The following GANAB variants were observed in gnomAD, a reference collection of about 807,000 sequenced individuals.
The protein encoded by GANAB is glucosidase II alpha subunit, also known as neutral alpha-glucosidase AB.
A neutral mutation model predicts 129.9 loss-of-function variants in GANAB; 35 were observed. The ratio of observed to expected loss-of-function variants is 0.27; its 90% CI spans 0.21 to 0.36. The LOEUF (loss-of-function observed/expected upper bound fraction) is 0.36. GANAB is among the 10% of genes least tolerant of loss of function. The probability of loss-of-function intolerance (pLI) is 1.00; values close to 1 mark genes in which losing one functional copy is unlikely to be tolerated. For missense variants in GANAB, 939 were observed against 1,221.0 expected, an observed-to-expected ratio of 0.77 and a Z score of 3.44; for synonymous variants, 482 against 451.8, an observed-to-expected ratio of 1.07 and a Z score of -0.85.
Position 62,633,007 on chromosome 11 carries a change from A to C in GANAB, c.813T>G (p.Thr271=), listed in dbSNP as rs370824720. ...EHADNLRLKV[T]EGGEPYRLYN... is the part of the protein sequence containing the mutation. ...CCTGATGTCACCATAGGACTCACTC[A>C]GTGACCTTCAGCCTCAGGTTGTCTG... Residue 271 remains threonine, a splice_region_variant and synonymous_variant, in exon 8 of 24, where the codon ACT becomes ACG. Coordinates refer to ENST00000356638, the MANE Select transcript of GANAB (RefSeq NM_198334.3). The C allele has an allele frequency of 1.6e-5, 25 of 1,569,276 alleles. No homozygotes were observed. In the African/African-American group the frequency reaches 3.4e-4, roughly 21 times the overall value.
At chr11:62,639,265 G>A (rs1554974334) in intron 3 of GANAB, 94 bp downstream of exon 3, 1 of 1,274,566 alleles carries the variant, frequency 7.8e-7, no homozygotes, top group Non-Finnish European at 1.1e-6. Context: ...CAAAGATTAG[G>A]CTGGGACAAG....
At chr11:62,641,341 GAA>G (rs10629748) in intron 1 of GANAB, among the ~76,000 whole-genome samples, 4 of 109,974 alleles carry the variant, frequency 3.6e-5, no homozygotes, top group Non-Finnish European at 1.8e-5. Context: ...AAAACTCTCA[GAA>G]AAAAAAAAAA....
Position 62,632,997 on chromosome 11 carries a change from G to A in GANAB, c.815+8C>T. ...CCTCCATCTTCCTGATGTCACCATA[G>A]GACTCACTCAGTGACCTTCAGCCTC... On this transcript the variant is annotated splice_region_variant and intron_variant, in intron 8 of 23. Coordinates refer to ENST00000356638, the MANE Select transcript of GANAB (RefSeq NM_198334.3). 6.6e-7 allele frequency: 1 copy of A among 1,512,142 alleles called. No homozygotes were observed. Among genetic ancestry groups the A allele is most frequent in the South Asian group, 1.1e-5 (1 of 88,946 alleles). The allele number at this position is 1,512,142 out of a possible 1,614,324, so 93.7% of individuals were successfully genotyped here.
chr11:62,632,657 G>A lies in GANAB; in HGVS notation c.904C>T (p.Leu302Phe). ...PMALYGSVPV[L>F]LAHNPHRDLG... ...TCGCGATGAGGGTTGTGTGCCAGGAGCACAGGCACAGACCCATACAAGGCC... is the reference window on the plus strand; with the variant it reads ...TCGCGATGAGGGTTGTGTGCCAGGAACACAGGCACAGACCCATACAAGGCC... The change falls in exon 9 of 24, where the codon CTC becomes TTC. Residue 302 changes from leucine (L) to phenylalanine (F), a missense_variant. Physicochemically the swap from Leu to Phe is conservative, Grantham distance 22 (BLOSUM62 0). This residue lies in a region of GANAB where 220 missense variants were observed against 295.9 expected (regional missense o/e 0.74). Coordinates refer to ENST00000356638, the MANE Select transcript of GANAB (RefSeq NM_198334.3). 1 of 1,612,376 alleles carries A rather than the reference G, an allele frequency of 6.2e-7. No individual in the cohort carries two copies. Among genetic ancestry groups the A allele is most frequent in the East Asian group, 2.2e-5 (1 of 44,874 alleles).
At position 62,638,879 on chromosome 11, in the gene GANAB, T is replaced by C. The variant is rs547738446; in HGVS notation, c.380+104A>G. 174 of 1,137,532 alleles carry C rather than the reference T, an allele frequency of 1.5e-4. No homozygotes were observed. In the African/African-American group the frequency reaches 1.7e-3, roughly 11 times the overall value. The allele number at this position is 1,137,532 out of a possible 1,614,324, so 70.5% of individuals were successfully genotyped here. A position where few individuals can be genotyped will look rare whatever the true frequency, so the allele number is the denominator to read the frequency against. Reference sequence around the variant, plus strand: ...GGAGTATGGCAAGGTGCTATGCTAGTTAACTACTACCTTATTTTGGGAAAG... The same window carrying C: ...GGAGTATGGCAAGGTGCTATGCTAGCTAACTACTACCTTATTTTGGGAAAG... On this transcript the variant is annotated intron_variant, in intron 4 of 23. Coordinates refer to ENST00000356638, the MANE Select transcript of GANAB (RefSeq NM_198334.3).
intron 9 of GANAB, 90 bp downstream of exon 9, chr11:62,632,475 T>C (rs1313918464): frequency 1.0e-6 from 1 of 1,002,578 alleles, no homozygotes; most frequent in African/African-American, 1.6e-5. Context: ...TTAAACCCAG[T>C]CCCCAAATAG....
chr11:62,630,865 A>G, intron 10 of GANAB, 29 bp from the exon 11 acceptor site: 2 of 1,575,048 alleles, frequency 1.3e-6, no homozygotes, highest in Non-Finnish European at 1.7e-6. Context: ...TGGGGGTCAC[A>G]ACGAGGATCA....
chr11:62,639,916 G>T, intron 1 of GANAB, 185 bp from the exon 2 acceptor site: 1 of 577,128 alleles, frequency 1.7e-6, no homozygotes, highest in Non-Finnish European at 3.1e-6. Context: ...GGCCTGAGAA[G>T]TTGGCTCACT....
In GANAB at chr11:62,635,124, T is replaced by C. The variant is rs537654153; in HGVS notation, c.381-124A>G. Reference sequence around the variant, plus strand: ...AGGCAGTGTGGTAACAGAGCAGGGATAGACAAGTTAATAAACAGAACCAAA... The same window carrying C: ...AGGCAGTGTGGTAACAGAGCAGGGACAGACAAGTTAATAAACAGAACCAAA... On this transcript the variant is annotated intron_variant, in intron 4 of 23. Coordinates refer to ENST00000356638, the MANE Select transcript of GANAB (RefSeq NM_198334.3). The C allele has an allele frequency of 1.9e-4, 119 of 618,050 alleles. No homozygotes were observed. The African/African-American group carries it at 2.0e-3, about 10-fold the overall frequency. 38.3% of individuals were successfully genotyped at this position (618,050 alleles called of 1,614,324 possible).
intron 4 of GANAB, among the ~76,000 whole-genome samples, chr11:62,636,670 C>T (rs1201226164): frequency 1.3e-5 from 2 of 151,998 alleles, no homozygotes; most frequent in Non-Finnish European, 2.9e-5. Context: ...CAAAAAGTAG[C>T]CGGGTATAGT....
intron 15 of GANAB, 137 bp from the exon 16 acceptor site, chr11:62,629,432 G>A: frequency 2.5e-6 from 2 of 802,410 alleles, no homozygotes. Flanking sequence ...AACAAGGAGT[G>A]GACCTCCCAC....
At position 62,635,000 on chromosome 11, in the gene GANAB, C is replaced by G; in HGVS notation, c.381G>C (p.Arg127=). The G allele has an allele frequency of 1.2e-6, 2 of 1,606,000 alleles. No homozygotes were observed. The highest frequency in any genetic ancestry group is 1.7e-6 in the Non-Finnish European group (2 of 1,173,640). ...DVLVADPPIA[R]LSVSGRDENS... is the part of the protein sequence containing the mutation. ...TCTCATCACGACCAGAGACAGAAAG[C>G]CTGGGAAACATATCAAAAGAAATAT... The change falls in exon 5 of 24, where the codon CGG becomes CGC. Residue 127 remains arginine, a splice_region_variant and synonymous_variant. Transcript: ENST00000356638.
chr11:62,640,086 A>C (rs529523101), intron 1 of GANAB: 7 of 174,792 alleles, frequency 4.0e-5, no homozygotes, highest in Non-Finnish European at 8.4e-5. Flanking sequence ...ATACAAAAAA[A>C]ATTAGCTGGG....
intron 20 of GANAB, 23 bp downstream of exon 20, chr11:62,626,837 G>A (rs1342525987): frequency 6.4e-7 from 1 of 1,568,550 alleles, no homozygotes; most frequent in South Asian, 1.1e-5. Context: ...GATGGAACCG[G>A]CAGCCAGACC....
chr11:62,642,832 T>C (rs772681945), intron 1 of GANAB, among the ~76,000 whole-genome samples: 21 of 152,192 alleles, frequency 1.4e-4, no homozygotes, highest in Non-Finnish European at 1.2e-4. Context: ...CTTCCATTGT[T>C]TTCTTGGTGA....
intron 9 of GANAB, among the ~76,000 whole-genome samples, chr11:62,631,977 C>CT (rs531997543): frequency 0.011 from 1,540 of 142,854 alleles, 24 homozygotes; most frequent in African/African-American, 0.035. Context: ...CAGAACCTTT[C>CT]TTTTTTTTTT....
At chr11:62,639,294 C>G in intron 3 of GANAB, 65 bp downstream of exon 3, 2 of 1,288,604 alleles carry the variant, frequency 1.6e-6, no homozygotes, top group African/African-American at 2.9e-5. Context: ...CACAATTTCC[C>G]CCTTTCCAAA....
At chr11:62,646,359 C>T (rs1456648056) in intron 1 of GANAB, among the ~76,000 whole-genome samples, 2 of 151,920 alleles carry the variant, frequency 1.3e-5, no homozygotes, top group African/African-American at 2.4e-5. Context: ...GGCGGGAGCC[C>T]GGAGCCCCAC....
intron 1 of GANAB, among the ~76,000 whole-genome samples, chr11:62,644,779 C>T (rs1296655009): frequency 2.0e-5 from 3 of 152,118 alleles, no homozygotes; most frequent in African/African-American, 7.2e-5. Flanking sequence ...GCCGAGATTG[C>T]ACCCCTGCAC....
Sources: allele counts gnomAD v4.1 joint callset (sites outside exome capture counted in the v4.1 genomes callset), GRCh38; gene constraint gnomAD v4.1.1; regional missense constraint gnomAD v4.1.1; transcripts MANE v1.5; gene names NCBI Gene and HGNC (gene_info 2026-07-23, HGNC 2026-07-21).